Variants in CCDC91 observed in about 807,000 individuals in gnomAD.
The protein encoded by CCDC91 is coiled-coil domain-containing protein 91.
In CCDC91, 48 loss-of-function variants were observed where a neutral mutation model predicts 63.2. The observed-to-expected ratio is 0.76, with a 90% CI of 0.60 to 0.97. The LOEUF (loss-of-function observed/expected upper bound fraction) is 0.97, where lower values mean the gene tolerates loss of function less well. Among genes scored for constraint, CCDC91 ranks in the 50% least tolerant of loss-of-function variants. The pLI is 0.00. For missense variants in CCDC91, 500 were observed against 494.6 expected, an observed-to-expected ratio of 1.01 and a Z score of -0.10; for synonymous variants, 167 against 165.8, an observed-to-expected ratio of 1.01 and a Z score of -0.06.
chr12:28,267,900 AAT>A (rs1947422180), intron 3 of CCDC91, among the ~76,000 whole-genome samples: 6 of 75,942 alleles, frequency 7.9e-5, no homozygotes, highest in Admixed American at 4.4e-4. Flanking sequence ...AATTATATAT[AAT>A]TATATTATAT....
Position 28,506,472 on chromosome 12 carries a change from T to TA in CCDC91, c.1215+22308dup, listed in dbSNP as rs1428941510. Among the ~76,000 whole-genome samples, 7 of 151,986 alleles carry TA rather than the reference T, an allele frequency of 4.6e-5. No homozygotes were observed. In the East Asian group the frequency reaches 1.4e-3, roughly 30 times the overall value. Reference sequence around the variant, plus strand: ...GCTAGTGAAAGGCAGGATTCCTAGTTACAGTCCAGTGAGTAAGAATTAATT... The same window carrying TA: ...GCTAGTGAAAGGCAGGATTCCTAGTTAACAGTCCAGTGAGTAAGAATTAATT... On this transcript the variant is annotated intron_variant, in intron 12 of 12. Coordinates refer to ENST00000536442, the MANE Select transcript of CCDC91 (RefSeq NM_018318.5).
At chr12:28,506,560 A>C (rs1938738861) in intron 12 of CCDC91, among the ~76,000 whole-genome samples, 1 of 151,986 alleles carries the variant, frequency 6.6e-6, no homozygotes. Context: ...AAAAAGCAAC[A>C]AATGTTTAAC....
At chr12:28,432,968 A>T (rs1313105067) in intron 8 of CCDC91, among the ~76,000 whole-genome samples, 1 of 152,088 alleles carries the variant, frequency 6.6e-6, no homozygotes, top group Non-Finnish European at 1.5e-5. Context: ...GATATGGGAA[A>T]TGTGATGTGA....
Position 28,452,410 on chromosome 12 carries a change from C to G in CCDC91, c.925-68C>G, listed in dbSNP as rs950754567. On this transcript the variant is annotated intron_variant, in intron 10 of 12. Transcript: ENST00000536442. Reference sequence around the variant, plus strand: ...AAAGTTTTTTATCTTTTAGGTTAACCAAGTCTGTTACTCAAGAAATTATTA... The same window carrying G: ...AAAGTTTTTTATCTTTTAGGTTAACGAAGTCTGTTACTCAAGAAATTATTA... The G allele has an allele frequency of 1.5e-5, 17 of 1,109,436 alleles. No homozygotes were observed. In the African/African-American group the frequency reaches 2.3e-4, roughly 15 times the overall value. The allele number at this position is 1,109,436 out of a possible 1,614,324, so 68.7% of individuals were successfully genotyped here. A position where few individuals can be genotyped will look rare whatever the true frequency, so the allele number is the denominator to read the frequency against.
At chr12:28,533,761 G>A (rs1192984471) in intron 12 of CCDC91, among the ~76,000 whole-genome samples, 3 of 150,210 alleles carry the variant, frequency 2.0e-5, no homozygotes, top group South Asian at 4.3e-4. Context: ...TAAAATAACA[G>A]AATAATGAGA....
intron 8 of CCDC91, among the ~76,000 whole-genome samples, chr12:28,394,108 A>G (rs779261020): frequency 1.3e-4 from 20 of 152,226 alleles, no homozygotes; most frequent in Admixed American, 7.2e-4. Flanking sequence ...TACTTGGTGA[A>G]GAACACCCCA....
intron 12 of CCDC91, among the ~76,000 whole-genome samples, chr12:28,521,356 T>A (rs1336808427): frequency 6.6e-6 from 1 of 152,192 alleles, no homozygotes; most frequent in African/African-American, 2.4e-5. Context: ...AGTTCACTCA[T>A]GATTTGGCTC....
intron 1 of CCDC91, among the ~76,000 whole-genome samples, chr12:28,196,582 G>GT (rs1387699562): frequency 6.6e-6 from 1 of 152,188 alleles, no homozygotes; most frequent in East Asian, 1.9e-4. Context: ...TTAGCTGTAA[G>GT]TTTTTTGTGG....
chr12:28,543,085 C>T (rs1942743548), intron 12 of CCDC91, among the ~76,000 whole-genome samples: 1 of 152,062 alleles, frequency 6.6e-6, no homozygotes, highest in African/African-American at 2.4e-5. Context: ...GTGATTCGGC[C>T]TCCATCTTCA....
chr12:28,479,785 A>C (rs536809418), intron 11 of CCDC91, among the ~76,000 whole-genome samples: 1 of 151,932 alleles, frequency 6.6e-6, no homozygotes, highest in Admixed American at 6.6e-5. Flanking sequence ...AAATGTGTCT[A>C]TCCTTTTCTT....
At chr12:28,305,612 T>C in intron 3 of CCDC91, 37 bp from the exon 4 acceptor site, 1 of 1,566,762 alleles carries the variant, frequency 6.4e-7, no homozygotes. Context: ...TTCTCTTTAA[T>C]AATCCTATCC....
intron 3 of CCDC91, among the ~76,000 whole-genome samples, chr12:28,290,285 G>A (rs1949162662): frequency 6.6e-6 from 1 of 152,042 alleles, no homozygotes; most frequent in Non-Finnish European, 1.5e-5. Context: ...GATCTCTGTT[G>A]GTTTGAAGTC....
intron 7 of CCDC91, among the ~76,000 whole-genome samples, chr12:28,372,849 A>G (rs1489778292): frequency 1.3e-5 from 2 of 152,100 alleles, no homozygotes; most frequent in Non-Finnish European, 2.9e-5. Flanking sequence ...TGCTCTTGGT[A>G]GGACTTCCAG....
At chr12:28,379,083 G>C (rs1298564739) in intron 7 of CCDC91, among the ~76,000 whole-genome samples, 2 of 151,972 alleles carry the variant, frequency 1.3e-5, no homozygotes, top group Non-Finnish European at 2.9e-5. Context: ...GGAATGAAGA[G>C]GAAACCTTCA....
At chr12:28,205,700 T>A (rs1297120988) in intron 1 of CCDC91, among the ~76,000 whole-genome samples, 1 of 152,188 alleles carries the variant, frequency 6.6e-6, no homozygotes, top group African/African-American at 2.4e-5. Flanking sequence ...CAGCAGTGTA[T>A]GAATGGTTGA....
chr12:28,377,741 C>G (rs750454787), intron 7 of CCDC91, among the ~76,000 whole-genome samples: 27 of 151,844 alleles, frequency 1.8e-4, no homozygotes, highest in Admixed American at 4.6e-4. Flanking sequence ...TTATAAGTAC[C>G]TATACATTTC....
chr12:28,522,150 C>T (rs950423047), intron 12 of CCDC91, among the ~76,000 whole-genome samples: 2 of 152,274 alleles, frequency 1.3e-5, no homozygotes, highest in East Asian at 1.9e-4. Flanking sequence ...AGGAATGGTA[C>T]AAGCTCCTCC....
At chr12:28,226,349 A>T (rs1944273569) in intron 1 of CCDC91, 1 of 152,152 alleles carries the variant, frequency 6.6e-6, no homozygotes, top group Admixed American at 6.6e-5. Flanking sequence ...TTCTTTTCCC[A>T]GTGACGTCTT....
At chr12:28,191,638 C>G (rs892390562) in intron 1 of CCDC91, among the ~76,000 whole-genome samples, 1 of 152,124 alleles carries the variant, frequency 6.6e-6, no homozygotes, top group African/African-American at 2.4e-5. Flanking sequence ...CTTCCCCCCC[C>G]CACAATATTT....
Sources: gnomAD v4.1 joint callset for allele counts (sites outside exome capture counted in the v4.1 genomes callset) on GRCh38, gnomAD v4.1.1 for gene constraint, MANE v1.5 for transcripts, NCBI Gene and HGNC (gene_info 2026-07-23, HGNC 2026-07-21) for gene names.